The following KNDC1 variants were observed in gnomAD, a reference collection of about 807,000 sequenced individuals.
KNDC1 encodes the protein kinase non-catalytic C-lobe domain-containing protein 1.
KNDC1 carries 106 observed loss-of-function variants against 172.8 expected under a neutral mutation model. That is an observed-to-expected ratio of 0.61 (90% CI 0.52 to 0.72). KNDC1 has a LOEUF of 0.72. Among genes scored for constraint, KNDC1 ranks in the 30% least tolerant of loss-of-function variants. The pLI is 0.00. For synonymous variants in KNDC1, 1,083 were observed against 1,062.2 expected, an observed-to-expected ratio of 1.02 and a Z score of -0.38; for missense variants, 2,325 against 2,394.5, an observed-to-expected ratio of 0.97 and a Z score of 0.61.
rs1160298105 is a variant in KNDC1 at position 133,219,477 on chromosome 10, G to T, written c.4860+387G>T. Reference sequence around the variant, plus strand: ...GAAGTGACCAGCCATCCCCAAACATGACTCAGACGAGTCCCAGAGCAGCCA... The same window carrying T: ...GAAGTGACCAGCCATCCCCAAACATTACTCAGACGAGTCCCAGAGCAGCCA... On this transcript the variant is annotated intron_variant, in intron 28 of 29. Coordinates refer to ENST00000304613, the MANE Select transcript of KNDC1 (RefSeq NM_152643.8). Among the ~76,000 whole-genome samples, 5 of 152,232 alleles carry T rather than the reference G, an allele frequency of 3.3e-5. No homozygotes were observed. In the East Asian group the frequency reaches 9.6e-4, roughly 29 times the overall value.
At chr10:133,200,078 C>A (rs538222185) in intron 15 of KNDC1, among the ~76,000 whole-genome samples, 2 of 152,248 alleles carry the variant, frequency 1.3e-5, no homozygotes, top group East Asian at 3.9e-4. Context: ...CCGGGCAGCT[C>A]CTCCGCGTGC....
chr10:133,186,473 G>A lies in KNDC1; in HGVS notation c.1125G>A (p.Arg375=). ...AGGAGCCGGAACACCAGCTGGGACGGGTTCCCTGTGCAGGCCGCAGCACGG... is the reference window on the plus strand; with the variant it reads ...AGGAGCCGGAACACCAGCTGGGACGAGTTCCCTGTGCAGGCCGCAGCACGG... The part of the protein sequence containing the change: ...PEQEPEHQLG[R]VPCAGRSTDR... Residue 375 remains arginine (R), a synonymous_variant, in exon 6 of 30, where the codon CGG becomes CGA. Coordinates refer to ENST00000304613, the MANE Select transcript of KNDC1 (RefSeq NM_152643.8). 1 of 1,612,420 alleles carries A rather than the reference G, an allele frequency of 6.2e-7. No individual in the cohort carries two copies. Among genetic ancestry groups the A allele is most frequent in the Non-Finnish European group, 8.5e-7 (1 of 1,179,748 alleles).
At position 133,209,095 on chromosome 10, in the gene KNDC1, C is replaced by A. The variant is rs918286963; in HGVS notation, c.3795-1516C>A. Among the ~76,000 whole-genome samples, 3 of 147,962 alleles carry A rather than the reference C, an allele frequency of 2.0e-5. No homozygotes were observed. Among genetic ancestry groups the A allele is most frequent in the African/African-American group, 7.5e-5 (3 of 39,780 alleles). ...TGTGGGGTGATGTGTGGCTTGCGTGCCCATGTATGGTGTGTGATGTGGAGT... is the reference window on the plus strand; with the variant it reads ...TGTGGGGTGATGTGTGGCTTGCGTGACCATGTATGGTGTGTGATGTGGAGT... On this transcript the variant is annotated intron_variant, in intron 20 of 29. Transcript: ENST00000304613. The surrounding 1 kb of genome is among the most constrained non-coding windows in gnomAD (Gnocchi z 4.9).
At position 133,212,741 on chromosome 10, in the gene KNDC1, G is replaced by A. The variant is rs767855071; in HGVS notation, c.4262G>A (p.Gly1421Asp). The change falls in exon 24 of 30, where the codon GGC (glycine) becomes GAC (aspartate). Residue 1421 changes from glycine to aspartate, a missense_variant. Gly to Asp is a moderately conservative substitution (Grantham distance 94). Coordinates refer to ENST00000304613, the MANE Select transcript of KNDC1 (RefSeq NM_152643.8). Reference protein sequence around the residue: ...RKSFPWRLPRGNGLVLPPHKE... With the variant: ...RKSFPWRLPRDNGLVLPPHKE... ...AGCTTCCCCTGGAGGCTGCCCCGAG[G>A]CAACGGGCTGGTGCTGCCGCCACAC... 5 of 1,613,312 alleles carry A rather than the reference G, an allele frequency of 3.1e-6. No individual in the cohort carries two copies. The highest frequency in any genetic ancestry group is 4.2e-6 in the Non-Finnish European group (5 of 1,179,778).
chr10:133,180,422 A>G (rs1247561541), intron 3 of KNDC1, among the ~76,000 whole-genome samples: 1 of 152,274 alleles, frequency 6.6e-6, no homozygotes, highest in Admixed American at 6.5e-5. Context: ...CTGCAAGGAT[A>G]GCGTCTCAGG....
intron 29 of KNDC1, among the ~76,000 whole-genome samples, chr10:133,221,812 C>A (rs1845594077): frequency 1.5e-5 from 2 of 137,678 alleles, no homozygotes; most frequent in Non-Finnish European, 3.2e-5. Flanking sequence ...CGCGGCGGCT[C>A]ACGCCTGTAA....
At chr10:133,222,080 A>ACGG (rs1845605955) in intron 29 of KNDC1, among the ~76,000 whole-genome samples, 2 of 147,096 alleles carry the variant, frequency 1.4e-5, no homozygotes, top group African/African-American at 5.1e-5. Context: ...TCAGGAGTTC[A>ACGG]AGACCAGCCT....
Position 133,190,621 on chromosome 10 carries a change from C to T in KNDC1, c.1575+808C>T, listed in dbSNP as rs147789788. Reference sequence around the variant, plus strand: ...AGCAATGGGCGCACACTAAAAGCCGCGCTTTTTCATCTTCTGGGGATGTTG... The same window carrying T: ...AGCAATGGGCGCACACTAAAAGCCGTGCTTTTTCATCTTCTGGGGATGTTG... On this transcript the variant is annotated intron_variant, in intron 9 of 29. Transcript: ENST00000304613. 6.2e-3 allele frequency among the ~76,000 whole-genome samples: 937 copies of T among 152,340 alleles called. 6 individuals are homozygous for T. The highest frequency in any genetic ancestry group is 0.022 in the African/African-American group (896 of 41,560).
At chr10:133,195,870 GC>G (rs1564888984) in intron 10 of KNDC1, 49 bp downstream of exon 10, 1 of 1,434,398 alleles carries the variant, frequency 7.0e-7, no homozygotes, top group Non-Finnish European at 9.2e-7. Flanking sequence ...AGGACTGTGG[GC>G]AGTGGCCGCC....
chr10:133,195,275 G>A (rs1854156976), intron 9 of KNDC1, among the ~76,000 whole-genome samples: 2 of 152,144 alleles, frequency 1.3e-5, no homozygotes, highest in Non-Finnish European at 2.9e-5. Context: ...CCAGTCGGGG[G>A]GCTTCCGGGA....
chr10:133,212,203 C>T (rs1295993586), intron 23 of KNDC1, among the ~76,000 whole-genome samples: 1 of 152,044 alleles, frequency 6.6e-6, no homozygotes, highest in Non-Finnish European at 1.5e-5. Flanking sequence ...CACGTGTGCA[C>T]CCTCACACAT....
chr10:133,177,992 G>A (rs1369657251), intron 3 of KNDC1, among the ~76,000 whole-genome samples: 1 of 149,476 alleles, frequency 6.7e-6, no homozygotes, highest in Non-Finnish European at 1.5e-5. Flanking sequence ...GTGCAGTGTG[G>A]TGTGCATGTA....
At chr10:133,187,923 A>G (rs1422392077) in intron 6 of KNDC1, among the ~76,000 whole-genome samples, 2 of 83,854 alleles carry the variant, frequency 2.4e-5, no homozygotes, top group African/African-American at 2.0e-4. Context: ...CTCCACCTCC[A>G]TGAGCCTGGC....
rs1162842540 is a variant in KNDC1 at position 133,209,290 on chromosome 10, AGT to A, written c.3795-1313_3795-1312del. Among the ~76,000 whole-genome samples the A allele has an allele frequency of 6.1e-5, 9 of 146,670 alleles. No homozygotes were observed. Among genetic ancestry groups the A allele is most frequent in the African/African-American group, 2.0e-4 (8 of 39,114 alleles). On this transcript the variant is annotated intron_variant, in intron 20 of 29. Transcript: ENST00000304613. This position sits in a 1 kb window ranked among gnomAD's most constrained non-coding sequence, Gnocchi z 4.9. ...AGTGTGTGTGTGGTGTGTGGAGTAT[AGT>A]GTGTGTGGTGTGGGGTACAGTGTGT...
rs963007184 is a variant in KNDC1, at chr10:133,163,187, C to T, written c.102+2618C>T. Among the ~76,000 whole-genome samples the T allele has an allele frequency of 2.0e-5, 3 of 152,192 alleles. No individual in the cohort carries two copies. The highest frequency in any genetic ancestry group is 2.9e-5 in the Non-Finnish European group (2 of 68,044). On this transcript the variant is annotated intron_variant, in intron 1 of 29. Coordinates refer to ENST00000304613, the MANE Select transcript of KNDC1 (RefSeq NM_152643.8). The surrounding 1 kb of genome is among the most constrained non-coding windows in gnomAD (Gnocchi z 4.4). ...GGAGTCGATGGATGGGCAATGCTGG[C>T]TGCCCCATGGGAATTCAGATGAGAC... is the stretch of plus-strand genomic sequence containing the variant.
At chr10:133,219,168 C>CTGGGTGCG in intron 28 of KNDC1, 78 bp downstream of exon 28, 1 of 1,488,098 alleles carries the variant, frequency 6.7e-7, no homozygotes, top group Non-Finnish European at 9.2e-7. Context: ...CAGAGCCTGC[C>CTGGGTGCG]GCACCCAGAC....
chr10:133,195,970 G>A lies in KNDC1; in HGVS notation c.1734+149G>A, dbSNP rs1483864651. The A allele has an allele frequency of 2.1e-5, 18 of 842,262 alleles. No homozygotes were observed. The Admixed American group carries it at 2.7e-4, about 13-fold the overall frequency. The allele number at this position is 842,262 out of a possible 1,614,324, so 52.2% of individuals were successfully genotyped here. Reference sequence around the variant, plus strand: ...TGTTTCTAGGTCCCTGTTTCTAGACGTCGGCCTGGCCGTCGCATGGGGAAG... The same window carrying A: ...TGTTTCTAGGTCCCTGTTTCTAGACATCGGCCTGGCCGTCGCATGGGGAAG... On this transcript the variant is annotated intron_variant, in intron 10 of 29. Transcript: ENST00000304613.
chr10:133,196,751 T>C (rs2998140), intron 10 of KNDC1, among the ~76,000 whole-genome samples: 127,605 of 152,158 alleles, frequency 0.84, 53,748 homozygotes, highest in Middle Eastern at 0.9. Flanking sequence ...GCAGGGAGCG[T>C]GGGGCTCAGG....
chr10:133,183,629 A>G, intron 4 of KNDC1, 139 bp downstream of exon 4: 1 of 1,097,844 alleles, frequency 9.1e-7, no homozygotes, highest in South Asian at 1.7e-5. Context: ...ATTTTGCTTA[A>G]AGGAGGACTT....
Sources: gnomAD v4.1 joint callset for allele counts (sites outside exome capture counted in the v4.1 genomes callset) on GRCh38, gnomAD v4.1.1 for gene constraint, Gnocchi (gnomAD v3.1) non-coding constraint, MANE v1.5 for transcripts, NCBI Gene and HGNC (gene_info 2026-07-23, HGNC 2026-07-21) for gene names.